FXYD4: variants seen among roughly 807,000 people sequenced by gnomAD.
The protein encoded by FXYD4 is FXYD domain containing ion transport regulator 4, also known as FXYD domain-containing ion transport regulator 4.
In FXYD4, 14 loss-of-function variants were observed where a neutral mutation model predicts 18.3. The ratio of observed to expected loss-of-function variants is 0.77; its 90% CI spans 0.51 to 1.20. FXYD4 has a LOEUF of 1.20. FXYD4 is among the 50% of genes most tolerant of loss of function. The pLI is 0.00. For synonymous variants in FXYD4, 40 were observed against 40.5 expected (o/e 0.99, Z 0.04); for missense variants, 99 against 106.1 (o/e 0.93, Z 0.29).
rs556062664 is a variant in FXYD4 at position 43,375,596 on chromosome 10, C to T, written c.172+23C>T. 2.9e-5 allele frequency: 46 copies of T among 1,609,930 alleles called. No homozygotes were observed. The East Asian group carries it at 8.2e-4, about 29-fold the overall frequency. On this transcript the variant is annotated intron_variant, in intron 6 of 8. Transcript: ENST00000476166. The stretch of plus-strand genomic sequence containing the variant: ...TGAGTGAGTGGCAGGACAGGTGGGG[C>T]TGGAGGACAGGGTGGGGCTGGCGGA...
intron 5 of FXYD4, among the ~76,000 whole-genome samples, chr10:43,375,178 C>T (rs542449202): frequency 3.9e-5 from 6 of 151,980 alleles, no homozygotes; most frequent in Admixed American, 6.6e-5. Flanking sequence ...AGGCGCCTGC[C>T]GCCACGCCTA....
At chr10:43,371,849 G>T (rs1452318753) in intron 1 of FXYD4, among the ~76,000 whole-genome samples, 152 bp downstream of exon 1, 1 of 152,010 alleles carries the variant, frequency 6.6e-6, no homozygotes, top group Non-Finnish European at 1.5e-5. Context: ...TCATATGGAT[G>T]GTGGGTTGGG....
At position 43,376,286 on chromosome 10, in the gene FXYD4, T is replaced by C; in HGVS notation, c.*120T>C. 2.9e-6 allele frequency: 3 copies of C among 1,049,980 alleles called. No homozygotes were observed. The South Asian group carries it at 3.9e-5, about 14-fold the overall frequency. 65.0% of individuals were successfully genotyped at this position (1,049,980 alleles called of 1,614,324 possible). A position where few individuals can be genotyped will look rare whatever the true frequency, so the allele number is the denominator to read the frequency against. ...TCCAAGGGCAGGCTGTTAGGCCCCT[T>C]TCTGATCAGGAGGCTTCTTTATGAA... On this transcript the variant is annotated 3_prime_UTR_variant, in exon 9 of 9. Transcript: ENST00000476166.
chr10:43,375,999 C>T (rs774712916), intron 7 of FXYD4, 33 bp from the exon 8 acceptor site: 3 of 1,612,802 alleles, frequency 1.9e-6, no homozygotes, highest in Non-Finnish European at 2.5e-6. Context: ...TCCAGGCTAA[C>T]CTGATACTAC....
chr10:43,373,319 C>T (rs1837830278), intron 2 of FXYD4, 196 bp from the exon 3 acceptor site: 1 of 166,900 alleles, frequency 6.0e-6, no homozygotes, highest in African/African-American at 2.4e-5. Flanking sequence ...CCCTGGGCAT[C>T]TGATTACACC....
rs544165405 is a variant in FXYD4, at chr10:43,375,362, G to A, written c.98-137G>A. On this transcript the variant is annotated intron_variant, in intron 5 of 8. Coordinates refer to ENST00000476166, the MANE Select transcript of FXYD4 (RefSeq NM_173160.3). ...TCTTCTTAGTGTTTCCCCACGAGAC[G>A]CAGAATGATGCCTCTGTTGCTGGCT... The A allele has an allele frequency of 6.7e-5, 45 of 672,530 alleles. 1 individual carries two copies. Among genetic ancestry groups the A allele is most frequent in the South Asian group, 6.3e-4 (37 of 58,268 alleles). The allele number at this position is 672,530 out of a possible 1,614,324, so 41.7% of individuals were successfully genotyped here.
chr10:43,374,811 T>A (rs1289240968), intron 5 of FXYD4, among the ~76,000 whole-genome samples, 172 bp downstream of exon 5: 1 of 151,668 alleles, frequency 6.6e-6, no homozygotes, highest in African/African-American at 2.4e-5. Context: ...ACAGGATGCT[T>A]AGGAACCCTC....
intron 5 of FXYD4, among the ~76,000 whole-genome samples, chr10:43,375,126 A>G (rs1030666766): frequency 6.7e-6 from 1 of 148,374 alleles, no homozygotes; most frequent in African/African-American, 2.5e-5. Context: ...TCCCGGGTTC[A>G]AGCAATTCTC....
At chr10:43,373,922 G>A in intron 3 of FXYD4, 139 bp downstream of exon 3, 2 of 750,720 alleles carry the variant, frequency 2.7e-6, no homozygotes, top group Admixed American at 3.5e-5. Context: ...AGAGAAACAT[G>A]AAGGAAATGA....
At chr10:43,375,797 C>G (rs1412667084) in intron 7 of FXYD4, 63 bp downstream of exon 7, 2 of 1,535,616 alleles carry the variant, frequency 1.3e-6, no homozygotes, top group East Asian at 4.5e-5. Flanking sequence ...CAGTCCTGAC[C>G]TGGAGAGTGG....
chr10:43,374,628 C>T lies in FXYD4; in HGVS notation c.86C>T (p.Pro29Leu). Residue 29 changes from proline (P) to leucine (L), a missense_variant, in exon 5 of 9, where the codon CCC (proline) becomes CTC (leucine). By Grantham distance (98) the Pro-to-Leu change is moderately conservative. Transcript: ENST00000476166. ...CTTTTTCTAGCCAATAAAGACGATCCCTTCTACTATGGTAAGAGCTGATAT... is the reference window on the plus strand; with the variant it reads ...CTTTTTCTAGCCAATAAAGACGATCTCTTCTACTATGGTAAGAGCTGATAT... ...ANDPFANKDD[P>L]FYYDWKNLQL... is the part of the protein sequence containing the mutation. The T allele has an allele frequency of 6.2e-7, 1 of 1,613,298 alleles. No individual in the cohort carries two copies. The highest frequency in any genetic ancestry group is 8.5e-7 in the Non-Finnish European group (1 of 1,179,254).
At chr10:43,373,418 G>A (rs551479093) in intron 2 of FXYD4, 97 bp from the exon 3 acceptor site, 31 of 346,606 alleles carry the variant, frequency 8.9e-5, no homozygotes, top group Middle Eastern at 1.7e-3. Flanking sequence ...TGGGTTTGTC[G>A]CATGGATTTT....
Position 43,373,667 on chromosome 10 carries a change from T to G in FXYD4, c.-80T>G. ...CTCCTCTCGCTGACCAATTGAGCTG[T>G]GAGCCTGGAGCAGATCCGTGGGCTG... On this transcript the variant is annotated 5_prime_UTR_variant, in exon 3 of 9. Transcript: ENST00000476166. 4 of 849,848 alleles carry G rather than the reference T, an allele frequency of 4.7e-6. No homozygotes were observed. The highest frequency in any genetic ancestry group is 8.2e-6 in the Non-Finnish European group (4 of 485,992). 52.6% of individuals were successfully genotyped at this position (849,848 alleles called of 1,614,324 possible).
rs1304380810 is a variant in FXYD4 at position 43,375,520 on chromosome 10, G to A, written c.119G>A (p.Ser40Asn). 1 of 1,613,914 alleles carries A rather than the reference G, an allele frequency of 6.2e-7. No individual in the cohort carries two copies. The highest frequency in any genetic ancestry group is 8.5e-7 in the Non-Finnish European group (1 of 1,179,942). Residue 40 changes from serine (S) to asparagine (N), a missense_variant, in exon 6 of 9, where the codon AGC becomes AAC. By Grantham distance (46) the Ser-to-Asn change is conservative. Coordinates refer to ENST00000476166, the MANE Select transcript of FXYD4 (RefSeq NM_173160.3). ...FYYDWKNLQL[S>N]GLICGGLLAI... The stretch of plus-strand genomic sequence containing the variant: ...CCAGACTGGAAAAACCTGCAGCTGA[G>A]CGGACTGATCTGCGGAGGGCTCCTG...
chr10:43,374,212 C>T (rs1439978370), intron 3 of FXYD4, among the ~76,000 whole-genome samples: 1 of 152,200 alleles, frequency 6.6e-6, no homozygotes, highest in African/African-American at 2.4e-5. Context: ...AAAAGACAAG[C>T]ATTCCCTGTT....
At position 43,375,521 on chromosome 10, in the gene FXYD4, C is replaced by T. The variant is rs187142408; in HGVS notation, c.120C>T (p.Ser40=). Residue 40 remains serine (S), a synonymous_variant, in exon 6 of 9, where the codon AGC becomes AGT. Transcript: ENST00000476166. ...CAGACTGGAAAAACCTGCAGCTGAG[C>T]GGACTGATCTGCGGAGGGCTCCTGG... ...FYYDWKNLQL[S]GLICGGLLAI... The T allele has an allele frequency of 3.3e-5, 53 of 1,613,860 alleles. No homozygotes were observed. The Middle Eastern group carries it at 6.6e-4, about 20-fold the overall frequency.
intron 2 of FXYD4, among the ~76,000 whole-genome samples, chr10:43,373,068 A>G (rs545115636): frequency 1.7e-4 from 26 of 152,192 alleles, no homozygotes; most frequent in African/African-American, 6.0e-4. Context: ...GTCCCCTGCC[A>G]GGGCTGGCAG....
chr10:43,374,379 C>T, intron 3 of FXYD4, 91 bp from the exon 4 acceptor site: 1 of 1,310,276 alleles, frequency 7.6e-7, no homozygotes, highest in Non-Finnish European at 1.1e-6. Context: ...CAGGGTCACC[C>T]CACAACCTCC....
chr10:43,374,343 G>T lies in FXYD4; in HGVS notation c.38-127G>T, dbSNP rs1015797998. On this transcript the variant is annotated intron_variant, in intron 3 of 8. Transcript: ENST00000476166. ...CCTGAGGCTGTGTGGGGCTGGGGAG[G>T]GCGTGAGGAAGGGAACTGGTGGCTC... 13 of 861,638 alleles carry T rather than the reference G, an allele frequency of 1.5e-5. No individual in the cohort carries two copies. The African/African-American group carries it at 2.1e-4, about 14-fold the overall frequency. The allele number at this position is 861,638 out of a possible 1,614,324, so 53.4% of individuals were successfully genotyped here.
Sources: gnomAD v4.1 joint callset for allele counts (sites outside exome capture counted in the v4.1 genomes callset) on GRCh38, gnomAD v4.1.1 for gene constraint, MANE v1.5 for transcripts, NCBI Gene and HGNC (gene_info 2026-07-23, HGNC 2026-07-21) for gene names.